The following ZSCAN25 variants were observed in gnomAD, a reference collection of about 807,000 sequenced individuals.
ZSCAN25 encodes zinc finger and SCAN domain containing 25, also known as zinc finger and SCAN domain-containing protein 25.
ZSCAN25 carries 27 observed loss-of-function variants against 38.7 expected under a neutral mutation model. The observed-to-expected ratio is 0.70, with a 90% CI of 0.51 to 0.96. The LOEUF (loss-of-function observed/expected upper bound fraction) is 0.96, where lower values mean the gene tolerates loss of function less well. Ranked by LOEUF, ZSCAN25 falls within the 40% of genes least tolerant of loss-of-function variation. ZSCAN25 has a pLI of 0.00. For synonymous variants in ZSCAN25, 273 were observed against 277.7 expected (o/e 0.98, Z 0.17); for missense variants, 637 against 705.9 (o/e 0.90, Z 1.11).
chr7:99,679,435 C>T, the ZSCAN25 span, among the ~76,000 whole-genome samples: 3 of 152,098 alleles, frequency 2.0e-5, no homozygotes, highest in Non-Finnish European at 4.4e-5. Flanking sequence ...AAAATGCAAG[C>T]CACTCCTTCC....
the ZSCAN25 span, chr7:99,710,933 T>C: frequency 6.2e-7 from 1 of 1,613,078 alleles, no homozygotes; most frequent in South Asian, 1.1e-5. Context: ...ATCAGGTCAA[T>C]GTAGGGCATC....
chr7:99,673,320 A>C, the ZSCAN25 span, among the ~76,000 whole-genome samples: 1 of 152,192 alleles, frequency 6.6e-6, no homozygotes, highest in Non-Finnish European at 1.5e-5. Context: ...GAACAAACAC[A>C]CCACTGCACC....
At chr7:99,624,573 C>T (rs1032392959) in intron 7 of ZSCAN25, 6 of 208,444 alleles carry the variant, frequency 2.9e-5, no homozygotes, top group African/African-American at 1.3e-4. Context: ...TTTTCTCTTG[C>T]GGCAGGAAGT....
chr7:99,668,817 G>T, the ZSCAN25 span, among the ~76,000 whole-genome samples: 24 of 152,344 alleles, frequency 1.6e-4, no homozygotes, highest in Non-Finnish European at 3.1e-4. Context: ...TTATGGTGGT[G>T]TGCGACTTCC....
chr7:99,626,645 C>T (rs1035814271), intron 7 of ZSCAN25, among the ~76,000 whole-genome samples: 1 of 152,140 alleles, frequency 6.6e-6, no homozygotes, highest in Non-Finnish European at 1.5e-5. Context: ...AAGCATTTTC[C>T]TAAGAGGGAG....
the ZSCAN25 span, chr7:99,672,654 G>C: frequency 8.1e-6 from 13 of 1,613,980 alleles, no homozygotes; most frequent in East Asian, 2.9e-4. Flanking sequence ...GTGATGGCCA[G>C]CACAGGGAGT....
the ZSCAN25 span, chr7:99,714,468 A>G: frequency 6.4e-7 from 1 of 1,565,996 alleles, no homozygotes; most frequent in South Asian, 1.2e-5. Context: ...TTCTCTAAAA[A>G]CATACAGGGA....
chr7:99,714,185 A>T, the ZSCAN25 span, among the ~76,000 whole-genome samples: 5 of 152,312 alleles, frequency 3.3e-5, no homozygotes, highest in Non-Finnish European at 7.4e-5. Flanking sequence ...ATGACTCTTT[A>T]CCAATCTATG....
At chr7:99,719,794 T>A in the ZSCAN25 span, among the ~76,000 whole-genome samples, 2 of 151,986 alleles carry the variant, frequency 1.3e-5, no homozygotes, top group African/African-American at 4.8e-5. Context: ...ACCCACACAC[T>A]CAAGACCAGC....
the ZSCAN25 span, among the ~76,000 whole-genome samples, chr7:99,641,774 A>G: frequency 2.0e-5 from 3 of 152,234 alleles, no homozygotes; most frequent in African/African-American, 4.8e-5. Context: ...CCCTACTTTC[A>G]AAATATTGAC....
At chr7:99,680,503 G>A in the ZSCAN25 span, among the ~76,000 whole-genome samples, 3 of 152,086 alleles carry the variant, frequency 2.0e-5, no homozygotes, top group East Asian at 3.9e-4. Flanking sequence ...TACCACCATT[G>A]TAAGTTTCTA....
At chr7:99,673,025 GT>G in the ZSCAN25 span, 1 of 315,110 alleles carries the variant, frequency 3.2e-6, no homozygotes, top group Non-Finnish European at 4.8e-6. Flanking sequence ...TCTCCATAAT[GT>G]TTTATATGTT....
the ZSCAN25 span, chr7:99,662,940 A>G: frequency 1.9e-6 from 3 of 1,607,440 alleles, no homozygotes; most frequent in Admixed American, 5.0e-5. This position sits in a 1 kb window ranked among gnomAD's most constrained non-coding sequence, Gnocchi z 4.3. Context: ...TCAGAAGTAA[A>G]TCAAAAGTGC....
At chr7:99,653,937 G>C in the ZSCAN25 span, among the ~76,000 whole-genome samples, 1 of 152,192 alleles carries the variant, frequency 6.6e-6, no homozygotes, top group African/African-American at 2.4e-5. This position sits in a 1 kb window ranked among gnomAD's most constrained non-coding sequence, Gnocchi z 4.2. Context: ...GGTGTGGGGA[G>C]AGCTGAGTCA....
chr7:99,687,350 A>T, the ZSCAN25 span, among the ~76,000 whole-genome samples: 1 of 152,252 alleles, frequency 6.6e-6, no homozygotes, highest in Non-Finnish European at 1.5e-5. Flanking sequence ...GCTGAAGGCC[A>T]AGGATTGAGA....
chr7:99,724,112 T>TA, the ZSCAN25 span, among the ~76,000 whole-genome samples: 1 of 152,142 alleles, frequency 6.6e-6, no homozygotes, highest in Non-Finnish European at 1.5e-5. Context: ...TCCATGTCTC[T>TA]ACCTTCTCTT....
downstream of ZSCAN25, among the ~76,000 whole-genome samples, chr7:99,634,072 A>G (rs987099450): frequency 6.6e-5 from 10 of 152,132 alleles, no homozygotes; most frequent in Non-Finnish European, 1.2e-4. Context: ...GTTGCCTCAC[A>G]TTGTGATGAT....
At chr7:99,636,644 C>G (rs933049501), downstream of ZSCAN25, among the ~76,000 whole-genome samples, 3 of 152,178 alleles carry the variant, frequency 2.0e-5, no homozygotes, top group Admixed American at 6.5e-5. Context: ...CTTAAATTCC[C>G]TATTTAATTC....
At chr7:99,620,090 G>C in intron 4 of ZSCAN25, 97 bp downstream of exon 4, 1 of 1,440,524 alleles carries the variant, frequency 6.9e-7, no homozygotes, top group Admixed American at 2.7e-5. Flanking sequence ...TGGACGAGGT[G>C]TGGAGCCGCC....
Sources: allele counts gnomAD v4.1 joint callset (sites outside exome capture counted in the v4.1 genomes callset), GRCh38; gene constraint gnomAD v4.1.1; non-coding constraint Gnocchi (gnomAD v3.1); transcripts MANE v1.5; gene names NCBI Gene and HGNC (gene_info 2026-07-23, HGNC 2026-07-21).